The following TP63 variants were observed in gnomAD, a reference collection of about 807,000 sequenced individuals.
TP63 encodes tumor protein p63, also known as tumor protein 63.
Under a neutral mutation model 82.8 loss-of-function variants are expected in TP63, and 17 were observed. The observed-to-expected ratio is 0.21, with a 90% CI of 0.14 to 0.31. The LOEUF (loss-of-function observed/expected upper bound fraction) is 0.31. TP63 is among the 10% of genes least tolerant of loss of function. TP63 has a pLI of 1.00. For synonymous variants in TP63, 330 were observed against 321.7 expected (o/e 1.03, Z -0.28); for missense variants, 648 against 895.3 (o/e 0.72, Z 3.52).
At chr3:189,880,849 C>T (rs1185067116) in intron 10 of TP63, 1 of 985,228 alleles carries the variant, frequency 1.0e-6, no homozygotes, top group Non-Finnish European at 1.2e-6. Flanking sequence ...TTTCTTAATG[C>T]TGTGTACCTG....
chr3:189,707,415 T>C (rs2108749465), intron 1 of TP63, among the ~76,000 whole-genome samples: 1 of 152,304 alleles, frequency 6.6e-6, no homozygotes, highest in East Asian at 1.9e-4. Context: ...TTATGTTGAA[T>C]TGTAGGTGAA....
the TP63 span, among the ~76,000 whole-genome samples, chr3:189,622,195 T>G: frequency 6.6e-6 from 1 of 152,214 alleles, no homozygotes; most frequent in African/African-American, 2.4e-5. Context: ...GCTCATGCCT[T>G]CCTTTGTGGG....
chr3:189,826,885 A>G (rs1711521747), intron 4 of TP63, among the ~76,000 whole-genome samples: 1 of 152,204 alleles, frequency 6.6e-6, no homozygotes, highest in Non-Finnish European at 1.5e-5. Context: ...TAGTTTCAAC[A>G]TGCATTTTCT....
chr3:189,634,286 G>T (rs1397507175), intron 1 of TP63, among the ~76,000 whole-genome samples: 1 of 151,838 alleles, frequency 6.6e-6, no homozygotes, highest in Non-Finnish European at 1.5e-5. Flanking sequence ...TTTAAAGAAA[G>T]AACAGGATAT....
At chr3:189,871,640 A>T (rs374714177) in intron 9 of TP63, among the ~76,000 whole-genome samples, 8 of 152,328 alleles carry the variant, frequency 5.3e-5, no homozygotes, top group African/African-American at 1.9e-4. Context: ...AAATTTAAAT[A>T]GTCACTCACA....
At chr3:189,703,890 T>C (rs1718004421) in intron 1 of TP63, among the ~76,000 whole-genome samples, 1 of 152,166 alleles carries the variant, frequency 6.6e-6, no homozygotes, top group African/African-American at 2.4e-5. Context: ...CTACACAACC[T>C]CAACCTGGCC....
intron 10 of TP63, among the ~76,000 whole-genome samples, chr3:189,885,111 G>C (rs1291592831): frequency 6.6e-6 from 1 of 152,186 alleles, no homozygotes; most frequent in Admixed American, 6.5e-5. Context: ...GCCTGTGACA[G>C]GGAAAAGGTA....
At chr3:189,747,234 A>G (rs550119192) in intron 3 of TP63, among the ~76,000 whole-genome samples, 31 of 152,220 alleles carry the variant, frequency 2.0e-4, no homozygotes, top group Non-Finnish European at 3.5e-4. Flanking sequence ...TGAACTGCAC[A>G]TTAGACCAAA....
At chr3:189,772,499 T>C (rs1037279079) in intron 3 of TP63, among the ~76,000 whole-genome samples, 3 of 152,226 alleles carry the variant, frequency 2.0e-5, no homozygotes, top group Admixed American at 6.5e-5. Flanking sequence ...ACTAGCAAAC[T>C]TTTTTAGTAT....
intron 1 of TP63, among the ~76,000 whole-genome samples, chr3:189,637,896 C>T (rs1188935057): frequency 1.3e-5 from 2 of 151,984 alleles, no homozygotes; most frequent in African/African-American, 4.8e-5. Context: ...CATGTAATCA[C>T]AAGAAAGCGG....
intron 10 of TP63, among the ~76,000 whole-genome samples, chr3:189,875,616 A>ATATATATATATATATATACG (rs1560289458): frequency 2.9e-4 from 31 of 108,700 alleles, no homozygotes; most frequent in African/African-American, 1.4e-3. Flanking sequence ...ATATATATAT[A>ATATATATATATATATATACG]TATATATATA....
intron 1 of TP63, among the ~76,000 whole-genome samples, chr3:189,676,594 TA>T (rs937957921): frequency 6.4e-4 from 97 of 150,764 alleles, no homozygotes; most frequent in African/African-American, 1.8e-3. Context: ...TATGTTCCTT[TA>T]AAAAAAAATA....
At chr3:189,769,717 T>A (rs1723196345) in intron 3 of TP63, among the ~76,000 whole-genome samples, 1 of 152,232 alleles carries the variant, frequency 6.6e-6, no homozygotes, top group Non-Finnish European at 1.5e-5. Context: ...AAAATGTTTC[T>A]AAGTAGCCAT....
chr3:189,709,663 A>T (rs528004574), intron 1 of TP63, among the ~76,000 whole-genome samples: 10 of 152,274 alleles, frequency 6.6e-5, no homozygotes, highest in South Asian at 2.1e-4. Context: ...ATAATAATAA[A>T]AAAGAATTAC....
At chr3:189,782,349 T>C (rs1011791961) in intron 3 of TP63, among the ~76,000 whole-genome samples, 1 of 152,184 alleles carries the variant, frequency 6.6e-6, no homozygotes, top group African/African-American at 2.4e-5. Context: ...CCAGAGTTCT[T>C]TCCACTATTC....
At chr3:189,669,295 A>C (rs1210161008) in intron 1 of TP63, among the ~76,000 whole-genome samples, 1 of 151,988 alleles carries the variant, frequency 6.6e-6, no homozygotes, top group Non-Finnish European at 1.5e-5. Context: ...AAACAATAGC[A>C]GAATGAAGAC....
chr3:189,790,369 T>C (rs1034093487), intron 3 of TP63, among the ~76,000 whole-genome samples: 1 of 152,076 alleles, frequency 6.6e-6, no homozygotes, highest in African/African-American at 2.4e-5. Flanking sequence ...CAGAAGGGGC[T>C]GTGATAACGT....
intron 4 of TP63, among the ~76,000 whole-genome samples, chr3:189,830,616 G>A (rs1471041412): frequency 1.3e-5 from 2 of 152,020 alleles, no homozygotes; most frequent in African/African-American, 4.8e-5. Flanking sequence ...ACGCAATTTT[G>A]TTGCTGCTGC....
intron 3 of TP63, among the ~76,000 whole-genome samples, chr3:189,786,661 A>G (rs967793923): frequency 6.6e-6 from 1 of 151,916 alleles, no homozygotes; most frequent in African/African-American, 2.4e-5. Context: ...CAGCGCCGCC[A>G]TTTTTACCCA....
Sources: gnomAD v4.1 joint callset for allele counts (sites outside exome capture counted in the v4.1 genomes callset) on GRCh38, gnomAD v4.1.1 for gene constraint, MANE v1.5 for transcripts, NCBI Gene and HGNC (gene_info 2026-07-23, HGNC 2026-07-21) for gene names.